DLGAP2: variants seen among roughly 807,000 people sequenced by gnomAD.
DLGAP2 encodes the protein DLG associated protein 2.
A neutral mutation model predicts 100.3 loss-of-function variants in DLGAP2; 26 were observed. The observed-to-expected ratio is 0.26, with a 90% CI of 0.19 to 0.36. DLGAP2 has a LOEUF of 0.36. DLGAP2 is among the 10% of genes least tolerant of loss of function. The pLI, the probability that DLGAP2 is intolerant of heterozygous loss-of-function variation, is 1.00. For missense variants in DLGAP2, 1,858 were observed against 1,453.2 expected (o/e 1.28, Z -4.53); for synonymous variants, 886 against 630.1 (o/e 1.41, Z -6.08).
At chr8:1,160,599 C>A (rs542400127) in intron 2 of DLGAP2, among the ~76,000 whole-genome samples, 1 of 152,298 alleles carries the variant, frequency 6.6e-6, no homozygotes, top group Non-Finnish European at 1.5e-5. Flanking sequence ...CAACTTAGTT[C>A]TATGTACAGG....
At position 1,382,472 on chromosome 8, in the gene DLGAP2, A is replaced by G. The variant is rs543646674; in HGVS notation, c.107-118894A>G. 1.1e-4 allele frequency among the ~76,000 whole-genome samples: 17 copies of G among 152,346 alleles called. No individual in the cohort carries two copies. The South Asian group carries it at 3.1e-3, about 28-fold the overall frequency. On this transcript the variant is annotated intron_variant, in intron 3 of 14. Transcript: ENST00000637795. Reference sequence around the variant, plus strand: ...TATCATCGGTCAGGCGCAGTGGCTCACAGCTGTAATTGCAGCGCTTTGGGA... The same window carrying G: ...TATCATCGGTCAGGCGCAGTGGCTCGCAGCTGTAATTGCAGCGCTTTGGGA...
At chr8:1,517,518 GGA>G (rs1337461770) in intron 4 of DLGAP2, among the ~76,000 whole-genome samples, 5 of 152,150 alleles carry the variant, frequency 3.3e-5, no homozygotes, top group Non-Finnish European at 5.9e-5. Flanking sequence ...GCATCCTCAG[GGA>G]GAGAGAGCAG....
chr8:778,504 T>A (rs950115282), intron 1 of DLGAP2, among the ~76,000 whole-genome samples: 3 of 152,224 alleles, frequency 2.0e-5, no homozygotes, highest in Non-Finnish European at 4.4e-5. Flanking sequence ...TTGATGATGG[T>A]GATATACAGA....
chr8:1,043,930 C>G (rs989819556), intron 2 of DLGAP2, among the ~76,000 whole-genome samples: 1 of 148,528 alleles, frequency 6.7e-6, no homozygotes. Context: ...GAGATCTCAG[C>G]TGGGGTGCAG....
At chr8:818,558 G>A (rs779454807) in intron 1 of DLGAP2, among the ~76,000 whole-genome samples, 10 of 152,134 alleles carry the variant, frequency 6.6e-5, no homozygotes, top group East Asian at 3.9e-4. Context: ...TGTTCCTGCC[G>A]TAGTTCTTGG....
intron 3 of DLGAP2, among the ~76,000 whole-genome samples, chr8:1,426,964 ATT>A (rs1462921431): frequency 1.3e-5 from 2 of 152,250 alleles, no homozygotes; most frequent in African/African-American, 2.4e-5. Flanking sequence ...AATAAAAAAT[ATT>A]GTGTCTTATT....
At chr8:862,649 C>G (rs538310121) in intron 1 of DLGAP2, among the ~76,000 whole-genome samples, 2 of 152,246 alleles carry the variant, frequency 1.3e-5, no homozygotes, top group Non-Finnish European at 2.9e-5. Flanking sequence ...CCTCTTGACT[C>G]CACCATAGCC....
chr8:1,334,439 T>C lies in DLGAP2; in HGVS notation c.106+75556T>C, dbSNP rs963452311. Among the ~76,000 whole-genome samples the C allele has an allele frequency of 2.0e-5, 3 of 152,162 alleles. 1 individual carries two copies. The highest frequency in any genetic ancestry group is 2.4e-5 in the African/African-American group (1 of 41,442). On this transcript the variant is annotated intron_variant, in intron 3 of 14. Transcript: ENST00000637795. ...GGAGTCGGTGAATTTTCTGTAAATA[T>C]GTGCTGTGGGAACGTGCTGTGGATT...
intron 3 of DLGAP2, among the ~76,000 whole-genome samples, chr8:1,408,255 C>T (rs190146699): frequency 2.7e-4 from 41 of 152,338 alleles, no homozygotes; most frequent in East Asian, 1.4e-3. Context: ...CCACTTTCCG[C>T]GATGCCATTT....
At chr8:1,700,123 C>A (rs11136420) in intron 14 of DLGAP2, among the ~76,000 whole-genome samples, 4 of 152,268 alleles carry the variant, frequency 2.6e-5, no homozygotes, top group South Asian at 4.1e-4. Flanking sequence ...GACACCAAAG[C>A]AGGCTTCTTG....
At position 1,549,144 on chromosome 8, in the gene DLGAP2, C is replaced by T; in HGVS notation, c.691C>T (p.His231Tyr). 1 of 1,593,584 alleles carries T rather than the reference C, an allele frequency of 6.3e-7. No homozygotes were observed. Among genetic ancestry groups the T allele is most frequent in the South Asian group, 1.1e-5 (1 of 88,720 alleles). ...CAGCGAGAGCCCCGGGCGGATCCGCCACCTGGTACACTCCGTGCAGAAGCT... is the reference window on the plus strand; with the variant it reads ...CAGCGAGAGCCCCGGGCGGATCCGCTACCTGGTACACTCCGTGCAGAAGCT... ...QRSESPGRIR[H>Y]LVHSVQKLFT... Residue 231 changes from histidine (H) to tyrosine (Y), a missense_variant, in exon 5 of 15, where the codon CAC becomes TAC. His to Tyr is a moderately conservative substitution (Grantham distance 83). Transcript: ENST00000637795.
At chr8:1,149,192 C>G (rs981502405) in intron 2 of DLGAP2, among the ~76,000 whole-genome samples, 7 of 152,086 alleles carry the variant, frequency 4.6e-5, no homozygotes, top group Non-Finnish European at 8.8e-5. Flanking sequence ...GTTGCCCAGG[C>G]TGAAGTGCAG....
At chr8:1,262,421 C>G (rs540633785) in intron 3 of DLGAP2, 1 of 152,246 alleles carries the variant, frequency 6.6e-6, no homozygotes, top group African/African-American at 2.4e-5. Flanking sequence ...CAAGAAGATA[C>G]AGACAGCCCA....
At chr8:1,122,161 T>C (rs1796064368) in intron 2 of DLGAP2, among the ~76,000 whole-genome samples, 1 of 152,218 alleles carries the variant, frequency 6.6e-6, no homozygotes, top group Admixed American at 6.5e-5. Flanking sequence ...GTCTTGTTTA[T>C]GGCTTTAGGG....
At chr8:767,467 T>C (rs1821245348) in intron 1 of DLGAP2, among the ~76,000 whole-genome samples, 1 of 151,198 alleles carries the variant, frequency 6.6e-6, no homozygotes, top group Non-Finnish European at 1.5e-5. Flanking sequence ...GTTCAAGCGA[T>C]TCTCGTGCCT....
At chr8:1,554,222 A>C in intron 5 of DLGAP2, among the ~76,000 whole-genome samples, 1 of 152,198 alleles carries the variant, frequency 6.6e-6, no homozygotes, top group Non-Finnish European at 1.5e-5. Flanking sequence ...TGGGAGGTGG[A>C]GGTTGCAGTG....
intron 3 of DLGAP2, among the ~76,000 whole-genome samples, chr8:1,460,732 C>T (rs1223404176): frequency 6.6e-6 from 1 of 152,178 alleles, no homozygotes; most frequent in African/African-American, 2.4e-5. Flanking sequence ...GTGGCACAGT[C>T]TCTTTGGAGA....
chr8:1,452,809 G>T (rs1168165208), intron 3 of DLGAP2, among the ~76,000 whole-genome samples: 1 of 152,156 alleles, frequency 6.6e-6, no homozygotes, highest in Non-Finnish European at 1.5e-5. Flanking sequence ...AGAAACGCAG[G>T]TCTATGGATC....
intron 3 of DLGAP2, among the ~76,000 whole-genome samples, chr8:1,458,310 A>G (rs1584924357): frequency 6.6e-6 from 1 of 152,206 alleles, no homozygotes; most frequent in East Asian, 1.9e-4. Context: ...AAGTTAGTTT[A>G]GTATTCTGAA....
Sources: gnomAD v4.1 joint callset for allele counts (sites outside exome capture counted in the v4.1 genomes callset) on GRCh38, gnomAD v4.1.1 for gene constraint, MANE v1.5 for transcripts, NCBI Gene and HGNC (gene_info 2026-07-23, HGNC 2026-07-21) for gene names.